CCDC30: variants seen among roughly 807,000 people sequenced by gnomAD.
The protein encoded by CCDC30 is coiled-coil domain containing 30, also known as coiled-coil domain-containing protein 30.
In CCDC30, 70 loss-of-function variants were observed where a neutral mutation model predicts 100.2. The observed-to-expected ratio is 0.70, with a 90% CI of 0.58 to 0.85. The LOEUF (loss-of-function observed/expected upper bound fraction) is 0.85, where lower values mean the gene tolerates loss of function less well. CCDC30 is among the 40% of genes least tolerant of loss of function. The probability of loss-of-function intolerance (pLI) is 0.00; values close to 1 mark genes in which losing one functional copy is unlikely to be tolerated. For synonymous variants in CCDC30, 233 were observed against 269.5 expected (o/e 0.86, Z 1.33); for missense variants, 652 against 771.2 (o/e 0.85, Z 1.83).
intron 7 of CCDC30, among the ~76,000 whole-genome samples, chr1:42,567,378 A>G (rs778936404): frequency 6.6e-5 from 10 of 152,216 alleles, no homozygotes; most frequent in Non-Finnish European, 1.5e-4. Context: ...CTTTATGAGA[A>G]AAGTTTGCCC....
At chr1:42,569,986 G>A (rs1325909608) in intron 7 of CCDC30, among the ~76,000 whole-genome samples, 1 of 152,124 alleles carries the variant, frequency 6.6e-6, no homozygotes, top group Non-Finnish European at 1.5e-5. Context: ...GTGGGTGGGG[G>A]ACAAGGGGAG....
At chr1:42,568,118 T>C (rs1645646226) in intron 7 of CCDC30, among the ~76,000 whole-genome samples, 2 of 152,026 alleles carry the variant, frequency 1.3e-5, no homozygotes, top group Admixed American at 1.3e-4. Context: ...TATCTCTTTT[T>C]GTTTGTTTGT....
chr1:42,580,796 G>T lies in CCDC30; in HGVS notation c.847-564G>T, dbSNP rs530320384. ...GATGCTAAGCAATATGCTAATAGGT[G>T]CTTGGTTTATAAGAGACTTCTATTT... On this transcript the variant is annotated intron_variant, in intron 8 of 16. Transcript: ENST00000668663. 208 of 455,952 alleles carry T rather than the reference G, an allele frequency of 4.6e-4. 2 individuals are homozygous for T. The highest frequency in any genetic ancestry group is 3.8e-3 in the African/African-American group (193 of 50,150). 28.2% of individuals were successfully genotyped at this position (455,952 alleles called of 1,614,324 possible). A position where few individuals can be genotyped will look rare whatever the true frequency, so the allele number is the denominator to read the frequency against.
chr1:42,523,547 T>C (rs1048697013), intron 6 of CCDC30, among the ~76,000 whole-genome samples: 1 of 152,226 alleles, frequency 6.6e-6, no homozygotes, highest in Non-Finnish European at 1.5e-5. Flanking sequence ...AACGGTTTGA[T>C]TATAATGTGT....
chr1:42,524,126 A>G (rs553485915), intron 6 of CCDC30, among the ~76,000 whole-genome samples: 1 of 151,340 alleles, frequency 6.6e-6, no homozygotes, highest in African/African-American at 2.4e-5. Context: ...TAAGTTTTAA[A>G]TGGGCCACAC....
intron 6 of CCDC30, among the ~76,000 whole-genome samples, chr1:42,528,888 T>A (rs1644765790): frequency 6.6e-6 from 1 of 152,192 alleles, no homozygotes; most frequent in Non-Finnish European, 1.5e-5. Context: ...CTGTTTTATT[T>A]CAAAAGATGT....
chr1:42,572,737 C>T (rs1353517611), intron 7 of CCDC30, among the ~76,000 whole-genome samples: 1 of 152,212 alleles, frequency 6.6e-6, no homozygotes. Flanking sequence ...CTGCCTCGGC[C>T]TCCCGAATAG....
intron 10 of CCDC30, among the ~76,000 whole-genome samples, chr1:42,607,921 A>G (rs899767184): frequency 6.6e-6 from 1 of 152,204 alleles, no homozygotes; most frequent in Non-Finnish European, 1.5e-5. Flanking sequence ...TTGATGTTGG[A>G]CAAATGCCCC....
At chr1:42,512,441 T>C (rs1308262252) in intron 6 of CCDC30, among the ~76,000 whole-genome samples, 1 of 152,128 alleles carries the variant, frequency 6.6e-6, no homozygotes, top group Non-Finnish European at 1.5e-5. Context: ...GTGACCTCAC[T>C]GTGGCGGGTG....
chr1:42,537,914 A>T (rs1644935776), intron 6 of CCDC30: 1 of 152,470 alleles, frequency 6.6e-6, no homozygotes, highest in Admixed American at 6.6e-5. Flanking sequence ...GATTGCAGTG[A>T]GCTGAGATCA....
intron 4 of CCDC30, among the ~76,000 whole-genome samples, 179 bp downstream of exon 4, chr1:42,490,408 A>T (rs1569785581): frequency 6.6e-6 from 1 of 151,492 alleles, no homozygotes; most frequent in South Asian, 2.1e-4. Context: ...AAAAGAATAA[A>T]TTTTTTAAAA....
chr1:42,576,938 A>G (rs1645849886), intron 7 of CCDC30, 82 bp from the exon 12 acceptor site: 2 of 1,021,286 alleles, frequency 2.0e-6, no homozygotes, highest in Non-Finnish European at 2.9e-6. Flanking sequence ...TTAGGGGACT[A>G]TACTCCTTTG....
chr1:42,640,086 T>C (rs1647281302), intron 12 of CCDC30, among the ~76,000 whole-genome samples: 1 of 152,208 alleles, frequency 6.6e-6, no homozygotes, highest in Admixed American at 6.5e-5. Flanking sequence ...GAGCTTTTAA[T>C]GCCACAGTGG....
At position 42,581,489 on chromosome 1, in the gene CCDC30, C is replaced by T. The variant is rs757207322; in HGVS notation, c.976C>T (p.Gln326Ter). The T allele has an allele frequency of 2.5e-6, 4 of 1,613,070 alleles. No homozygotes were observed. The highest frequency in any genetic ancestry group is 1.7e-5 in the Admixed American group (1 of 59,862). ...ACAAAATGAAGCTAAAGTAAAGCAACAATATCAAGAAGAACAACAGAAGAG... is the reference window on the plus strand; with the variant it reads ...ACAAAATGAAGCTAAAGTAAAGCAATAATATCAAGAAGAACAACAGAAGAG... Residue 326 changes from glutamine to a stop codon, truncating the protein, a stop_gained, in exon 9 of 17, where the codon CAA becomes TAA. Coordinates refer to ENST00000668663, the Ensembl canonical transcript of CCDC30. LOFTEE classifies it high-confidence loss of function.
Position 42,493,714 on chromosome 1 carries a change from G to A in CCDC30, c.242-3384G>A, listed in dbSNP as rs150132557. ...TAGCTAGATTGGTCATGAAAAAAGA[G>A]AGAAGTCACAAATTACCAATATAAA... On this transcript the variant is annotated intron_variant, in intron 4 of 16. Transcript: ENST00000668663. Among the ~76,000 whole-genome samples the A allele has an allele frequency of 7.2e-5, 11 of 152,288 alleles. No individual in the cohort carries two copies. The East Asian group carries it at 2.1e-3, about 29-fold the overall frequency.
At chr1:42,652,677 A>G (rs992794866) in intron 15 of CCDC30, among the ~76,000 whole-genome samples, 2 of 152,198 alleles carry the variant, frequency 1.3e-5, no homozygotes, top group African/African-American at 4.8e-5. Context: ...TTTTATCCAA[A>G]CACTGGAATA....
At position 42,513,647 on chromosome 1, in the gene CCDC30, G is replaced by T. The variant is rs529570368; in HGVS notation, c.456+14731G>T. On this transcript the variant is annotated intron_variant, in intron 6 of 16. Coordinates refer to ENST00000668663, the Ensembl canonical transcript of CCDC30. The stretch of plus-strand genomic sequence containing the variant: ...GTTAGAAAAGAAAATGATTTTGGGG[G>T]TGCTTTTCATGAAAAGTAAAACCTT... Among the ~76,000 whole-genome samples the T allele has an allele frequency of 3.3e-5, 5 of 152,178 alleles. No individual in the cohort carries two copies. The South Asian group carries it at 1.0e-3, about 32-fold the overall frequency.
intron 4 of CCDC30, among the ~76,000 whole-genome samples, chr1:42,496,616 A>C (rs1248368330): frequency 6.6e-6 from 1 of 152,196 alleles, no homozygotes; most frequent in Non-Finnish European, 1.5e-5. Flanking sequence ...TTTGTGATCA[A>C]TAAAATTTGA....
chr1:42,610,747 A>G (rs1193444789), intron 10 of CCDC30, among the ~76,000 whole-genome samples: 1 of 152,036 alleles, frequency 6.6e-6, no homozygotes, highest in Non-Finnish European at 1.5e-5. Context: ...TAATAAAGGG[A>G]ATTAGATGCT....
Sources: allele counts gnomAD v4.1 joint callset (sites outside exome capture counted in the v4.1 genomes callset), GRCh38; gene constraint gnomAD v4.1.1; transcripts MANE v1.5; gene names NCBI Gene and HGNC (gene_info 2026-07-23, HGNC 2026-07-21).